Variants in KCNMB2 observed in about 807,000 individuals in gnomAD.
KCNMB2 encodes the protein potassium calcium-activated channel subfamily M regulatory beta subunit 2, also known as calcium-activated potassium channel subunit beta-2.
Under a neutral mutation model 24.5 loss-of-function variants are expected in KCNMB2, and 9 were observed. The ratio of observed to expected loss-of-function variants is 0.37; its 90% CI spans 0.22 to 0.64. KCNMB2 has a LOEUF of 0.64. Ranked by LOEUF, KCNMB2 falls within the 30% of genes least tolerant of loss-of-function variation. The pLI, the probability that KCNMB2 is intolerant of heterozygous loss-of-function variation, is 0.63. For missense variants in KCNMB2, 226 were observed against 284.3 expected, an observed-to-expected ratio of 0.79 and a Z score of 1.47; for synonymous variants, 109 against 104.4, an observed-to-expected ratio of 1.04 and a Z score of -0.27.
At chr3:178,769,341 C>A (rs1335932390) in intron 1 of KCNMB2, among the ~76,000 whole-genome samples, 1 of 152,140 alleles carries the variant, frequency 6.6e-6, no homozygotes, top group East Asian at 1.9e-4. Flanking sequence ...CCTACATAAC[C>A]AGTTCTTGCA....
rs2108473223 is a variant in KCNMB2, at chr3:178,832,755, C to A, written c.423+4382C>A. On this transcript the variant is annotated intron_variant, in intron 4 of 4. Transcript: ENST00000452583. ...AATTTCTCTTACTGTATTTTCAATT[C>A]TAGAATATCCAACTGAGTCTTGTTT... Among the ~76,000 whole-genome samples, 2 of 81,294 alleles carry A rather than the reference C, an allele frequency of 2.5e-5. 1 individual carries two copies. The highest frequency in any genetic ancestry group is 6.3e-4 in the South Asian group (2 of 3,178). 53.3% of individuals were successfully genotyped at this position (81,294 alleles called of 152,430 possible).
intron 1 of KCNMB2, among the ~76,000 whole-genome samples, chr3:178,758,919 A>C (rs182688864): frequency 1.5e-4 from 3 of 19,676 alleles, no homozygotes; most frequent in African/African-American, 1.0e-3. Flanking sequence ...ATATATATAT[A>C]TCTCCAAGAG....
intron 1 of KCNMB2, among the ~76,000 whole-genome samples, chr3:178,694,763 C>T (rs1202983399): frequency 1.3e-5 from 2 of 152,204 alleles, no homozygotes; most frequent in African/African-American, 4.8e-5. Flanking sequence ...ACAGTTCTGC[C>T]CATGTGGCTT....
intron 4 of KCNMB2, among the ~76,000 whole-genome samples, chr3:178,839,580 T>C (rs1715354124): frequency 6.6e-6 from 1 of 152,192 alleles, no homozygotes; most frequent in Non-Finnish European, 1.5e-5. Context: ...TGACTCATGG[T>C]TCTGCATGGC....
At chr3:178,596,897 G>A (rs983479687) in intron 1 of KCNMB2, among the ~76,000 whole-genome samples, 9 of 152,108 alleles carry the variant, frequency 5.9e-5, no homozygotes, top group African/African-American at 2.2e-4. Context: ...TACTTTATTG[G>A]AGAACCTCTT....
At chr3:178,640,048 C>T (rs7612649) in intron 1 of KCNMB2, among the ~76,000 whole-genome samples, 26,656 of 122,684 alleles carry the variant, frequency 0.22, 2,390 homozygotes, top group African/African-American at 0.28. Context: ...TCAATGTTTT[C>T]CCTTGTCCTA....
At chr3:178,651,777 AC>A in intron 1 of KCNMB2, among the ~76,000 whole-genome samples, 1 of 152,332 alleles carries the variant, frequency 6.6e-6, no homozygotes, top group Admixed American at 6.5e-5. Flanking sequence ...CACATCTACA[AC>A]CATCTGATCT....
chr3:178,670,722 G>T (rs1043685879), intron 1 of KCNMB2, among the ~76,000 whole-genome samples: 1 of 152,160 alleles, frequency 6.6e-6, no homozygotes, highest in South Asian at 2.1e-4. Context: ...CTGGTCAAAA[G>T]TCTTAACCAC....
chr3:178,752,079 T>C (rs531336790), intron 1 of KCNMB2, among the ~76,000 whole-genome samples: 3 of 152,212 alleles, frequency 2.0e-5, no homozygotes, highest in Non-Finnish European at 4.4e-5. Context: ...CCCTACATAT[T>C]TAAAAAGCTA....
At chr3:178,587,722 A>G (rs1717499996) in intron 1 of KCNMB2, among the ~76,000 whole-genome samples, 3 of 148,126 alleles carry the variant, frequency 2.0e-5, no homozygotes. Flanking sequence ...CTGGGATTAC[A>G]GGCGTGAGCC....
chr3:178,823,504 G>A (rs1249417976), intron 2 of KCNMB2, among the ~76,000 whole-genome samples: 1 of 152,100 alleles, frequency 6.6e-6, no homozygotes, highest in Non-Finnish European at 1.5e-5. Flanking sequence ...CTCAAAAAGA[G>A]AACTTTAAAA....
At chr3:178,602,790 G>A (rs79237771) in intron 1 of KCNMB2, among the ~76,000 whole-genome samples, 24,964 of 152,078 alleles carry the variant, frequency 0.16, 2,204 homozygotes, top group South Asian at 0.27. Flanking sequence ...CCATCGGGAG[G>A]GTAGGACAGA....
chr3:178,686,045 T>A (rs4484177), intron 1 of KCNMB2, among the ~76,000 whole-genome samples: 48,304 of 149,942 alleles, frequency 0.32, 8,222 homozygotes, highest in African/African-American at 0.46. Context: ...TGTGTGTGTG[T>A]GAGAGAGAGA....
intron 1 of KCNMB2, among the ~76,000 whole-genome samples, chr3:178,743,403 G>C (rs559810575): frequency 6.6e-6 from 1 of 152,078 alleles, no homozygotes; most frequent in Non-Finnish European, 1.5e-5. Context: ...TATCCTCTGA[G>C]GATACAGAGG....
intron 1 of KCNMB2, among the ~76,000 whole-genome samples, chr3:178,726,892 T>C (rs1209528963): frequency 6.6e-6 from 1 of 152,096 alleles, no homozygotes; most frequent in Non-Finnish European, 1.5e-5. Flanking sequence ...AAAAGATATA[T>C]TGTCTCTTTC....
intron 1 of KCNMB2, among the ~76,000 whole-genome samples, chr3:178,563,704 G>C (rs1716406262): frequency 6.6e-6 from 1 of 152,152 alleles, no homozygotes; most frequent in South Asian, 2.1e-4. Flanking sequence ...AGTAAGGGTG[G>C]TGTCCAGGAA....
intron 1 of KCNMB2, among the ~76,000 whole-genome samples, chr3:178,565,845 G>C (rs902178671): frequency 6.6e-6 from 1 of 152,108 alleles, no homozygotes; most frequent in Non-Finnish European, 1.5e-5. Flanking sequence ...TGGATTTTTA[G>C]AAACACTACA....
intron 1 of KCNMB2, among the ~76,000 whole-genome samples, chr3:178,582,989 G>A (rs935699788): frequency 3.9e-5 from 6 of 152,068 alleles, no homozygotes; most frequent in African/African-American, 1.4e-4. Context: ...AAAACTTCTG[G>A]CATAAAATAA....
chr3:178,644,577 G>A (rs1719846523), intron 1 of KCNMB2, among the ~76,000 whole-genome samples: 1 of 152,220 alleles, frequency 6.6e-6, no homozygotes, highest in South Asian at 2.1e-4. Flanking sequence ...AGGCTAAGAT[G>A]GGGCCACTTA....
Sources: allele counts gnomAD v4.1 joint callset (sites outside exome capture counted in the v4.1 genomes callset), GRCh38; gene constraint gnomAD v4.1.1; transcripts MANE v1.5; gene names NCBI Gene and HGNC (gene_info 2026-07-23, HGNC 2026-07-21).